ASB7: variants seen among roughly 807,000 people sequenced by gnomAD.
ASB7 encodes the protein ankyrin repeat and SOCS box containing 7, also known as ankyrin repeat and SOCS box protein 7.
Under a neutral mutation model 32.5 loss-of-function variants are expected in ASB7, and 4 were observed. That is an observed-to-expected ratio of 0.12 (90% CI 0.06 to 0.28). ASB7 has a LOEUF of 0.28. Ranked by LOEUF, ASB7 falls within the 10% of genes least tolerant of loss-of-function variation. The pLI is 1.00. For missense variants in ASB7, 181 were observed against 407.1 expected, an observed-to-expected ratio of 0.44 and a Z score of 4.78; for synonymous variants, 172 against 155.6, an observed-to-expected ratio of 1.11 and a Z score of -0.78.
At chr15:100,632,477 A>G (rs950366997) in intron 5 of ASB7, among the ~76,000 whole-genome samples, 1 of 152,218 alleles carries the variant, frequency 6.6e-6, no homozygotes, top group Non-Finnish European at 1.5e-5. Flanking sequence ...CTGGTGAACA[A>G]TATGGGCTAG....
At chr15:100,647,426 T>C (rs888984924) in intron 5 of ASB7, among the ~76,000 whole-genome samples, 2 of 152,236 alleles carry the variant, frequency 1.3e-5, no homozygotes, top group African/African-American at 4.8e-5. Flanking sequence ...ATATATTAGC[T>C]TTATTATCAT....
chr15:100,622,429 T>C (rs1318282747), intron 4 of ASB7, among the ~76,000 whole-genome samples: 1 of 152,088 alleles, frequency 6.6e-6, no homozygotes, highest in African/African-American at 2.4e-5. Flanking sequence ...AACACCAACA[T>C]CAGTTTTTCA....
Position 100,612,200 on chromosome 15 carries a change from A to G in ASB7, c.-17A>G. ...CGTAACCTAATGAATCCTTTGTAAA[A>G]AGTGGACTCAGCTAGGATGTTACAC... On this transcript the variant is annotated 5_prime_UTR_variant, in exon 4 of 6. Coordinates refer to ENST00000332783, the MANE Select transcript of ASB7 (RefSeq NM_198243.3). 9 of 1,598,570 alleles carry G rather than the reference A, an allele frequency of 5.6e-6. No homozygotes were observed. The highest frequency in any genetic ancestry group is 6.9e-6 in the Non-Finnish European group (8 of 1,166,486).
rs929764688 is a variant in ASB7, at chr15:100,614,242, C to G, written c.211+1815C>G. ...TGAGCTGAGATCATGCCACTGCACT[C>G]CTGCCTGGGCGAAATTGTGAAACTC... On this transcript the variant is annotated intron_variant, in intron 4 of 5. Transcript: ENST00000332783. Among the ~76,000 whole-genome samples the G allele has an allele frequency of 2.0e-4, 30 of 150,230 alleles. 1 individual carries two copies. Among genetic ancestry groups the G allele is most frequent in the South Asian group, 1.1e-3 (5 of 4,758 alleles).
At chr15:100,634,804 AAAAGAAAG>A (rs377136418) in intron 5 of ASB7, among the ~76,000 whole-genome samples, 3 of 152,198 alleles carry the variant, frequency 2.0e-5, no homozygotes, top group Admixed American at 6.5e-5. Flanking sequence ...ACTCCATCTC[AAAAGAAAG>A]AAAGAAAGAA....
rs61153969 is a variant in ASB7 at position 100,611,484 on chromosome 15, C to CTTTTTTTTTTTTTTTTTTTTTTTTTTTTT, written c.-51-669_-51-668insTTTTTTTTTTTTTTTTTTTTTTTTTTTTT. Among the ~76,000 whole-genome samples the CTTTTTTTTTTTTTTTTTTTTTTTTTTTTT allele has an allele frequency of 1.6e-4, 12 of 77,156 alleles. 2 individuals are homozygous for CTTTTTTTTTTTTTTTTTTTTTTTTTTTTT. Among genetic ancestry groups the CTTTTTTTTTTTTTTTTTTTTTTTTTTTTT allele is most frequent in the Admixed American group, 6.7e-4 (3 of 4,498 alleles). The allele number at this position is 77,156 out of a possible 152,430, so 50.6% of individuals were successfully genotyped here. A position where few individuals can be genotyped will look rare whatever the true frequency, so the allele number is the denominator to read the frequency against. Reference sequence around the variant, plus strand: ...GGTTAATCACCAGATTGTTTCGATTCTTTTTTTTTTTTTGAGACAGAATTT... The same window carrying CTTTTTTTTTTTTTTTTTTTTTTTTTTTTT: ...GGTTAATCACCAGATTGTTTCGATTCTTTTTTTTTTTTTTTTTTTTTTTTTTTTTTTTTTTTTTTTTTGAGACAGAATTT... On this transcript the variant is annotated intron_variant, in intron 3 of 5. Transcript: ENST00000332783.
chr15:100,643,185 G>A (rs2039973009), intron 5 of ASB7, among the ~76,000 whole-genome samples: 1 of 152,180 alleles, frequency 6.6e-6, no homozygotes, highest in South Asian at 2.1e-4. Context: ...GTGGAATGGT[G>A]GCTGTGTTGC....
intron 4 of ASB7, 126 bp downstream of exon 4, chr15:100,612,553 C>G (rs1188589458): frequency 2.6e-5 from 23 of 893,486 alleles, no homozygotes; most frequent in South Asian, 3.3e-5. Context: ...ATTCTCTCTC[C>G]TTTGTGAAGA....
At chr15:100,604,806 A>G (rs990617760) in intron 2 of ASB7, among the ~76,000 whole-genome samples, 8 of 152,174 alleles carry the variant, frequency 5.3e-5, no homozygotes, top group Non-Finnish European at 1.2e-4. Flanking sequence ...TTAAAGGCTA[A>G]TTTTTATTAT....
rs1484989425 is a variant in ASB7 at position 100,650,733 on chromosome 15, A to G, written c.*2271A>G. The G allele has an allele frequency of 6.6e-6, 1 of 152,238 alleles. No individual in the cohort carries two copies. Among genetic ancestry groups the G allele is most frequent in the Non-Finnish European group, 1.5e-5 (1 of 68,032 alleles). 9.4% of individuals were successfully genotyped at this position (152,238 alleles called of 1,614,324 possible). On this transcript the variant is annotated 3_prime_UTR_variant, in exon 6 of 6. Transcript: ENST00000332783. ...CTCTTCCTGGAATTTTGAAATTTCT[A>G]TTTAATGAAGAAGTGTATAATTCCA...
chr15:100,644,312 G>A (rs1252012348), intron 5 of ASB7, among the ~76,000 whole-genome samples: 1 of 152,144 alleles, frequency 6.6e-6, no homozygotes, highest in African/African-American at 2.4e-5. Context: ...ATTCTTTAAA[G>A]AAAGAAGATT....
At chr15:100,635,232 C>T (rs939591992) in intron 5 of ASB7, among the ~76,000 whole-genome samples, 3 of 152,160 alleles carry the variant, frequency 2.0e-5, no homozygotes, top group African/African-American at 4.8e-5. Flanking sequence ...GGCATTAAGA[C>T]AGGATTTTAC....
At chr15:100,612,574 G>A (rs1237644845) in intron 4 of ASB7, 147 bp downstream of exon 4, 2 of 786,352 alleles carry the variant, frequency 2.5e-6, no homozygotes, top group African/African-American at 1.8e-5. Flanking sequence ...TTTGCTATAA[G>A]TGTGCCTTTT....
intron 5 of ASB7, among the ~76,000 whole-genome samples, chr15:100,641,441 C>T (rs896122771): frequency 2.6e-5 from 4 of 152,198 alleles, no homozygotes; most frequent in Non-Finnish European, 4.4e-5. Context: ...AAATTTAGCT[C>T]ACTTTTCACT....
chr15:100,614,429 C>G (rs931114412), intron 4 of ASB7, among the ~76,000 whole-genome samples: 2 of 152,044 alleles, frequency 1.3e-5, no homozygotes, highest in African/African-American at 4.8e-5. Context: ...TAGCAGGAGT[C>G]TGCAAACTTG....
Position 100,629,220 on chromosome 15 carries a change from T to G in ASB7, c.212-217T>G, listed in dbSNP as rs1163218332. 6.6e-6 allele frequency among the ~76,000 whole-genome samples: 1 copy of G among 152,254 alleles called. No individual in the cohort carries two copies. The highest frequency in any genetic ancestry group is 1.5e-5 in the Non-Finnish European group (1 of 68,046). On this transcript the variant is annotated intron_variant, in intron 4 of 5. Coordinates refer to ENST00000332783, the MANE Select transcript of ASB7 (RefSeq NM_198243.3). The surrounding 1 kb of genome is among the most constrained non-coding windows in gnomAD (Gnocchi z 6.8). Reference sequence around the variant, plus strand: ...TATCTTTTTAAACACTTTGTCTTTCTCCTTTCATTAACCCAGACGTGATAA... The same window carrying G: ...TATCTTTTTAAACACTTTGTCTTTCGCCTTTCATTAACCCAGACGTGATAA...
intron 5 of ASB7, among the ~76,000 whole-genome samples, chr15:100,645,182 T>C (rs2039989258): frequency 6.6e-6 from 1 of 152,218 alleles, no homozygotes; most frequent in Non-Finnish European, 1.5e-5. Flanking sequence ...AAATGATTTC[T>C]TCCCTTTTTT....
At chr15:100,622,715 T>A (rs1030601479) in intron 4 of ASB7, among the ~76,000 whole-genome samples, 3 of 152,200 alleles carry the variant, frequency 2.0e-5, no homozygotes, top group African/African-American at 7.2e-5. Flanking sequence ...CTCTTCAGGC[T>A]GGGAAAACTG....
chr15:100,644,990 C>T (rs934825897), intron 5 of ASB7, among the ~76,000 whole-genome samples: 5 of 152,210 alleles, frequency 3.3e-5, no homozygotes, highest in African/African-American at 9.7e-5. Context: ...TCATACAGGC[C>T]TTACAGAGCA....
Sources: allele counts gnomAD v4.1 joint callset (sites outside exome capture counted in the v4.1 genomes callset), GRCh38; gene constraint gnomAD v4.1.1; non-coding constraint Gnocchi (gnomAD v3.1); transcripts MANE v1.5; gene names NCBI Gene and HGNC (gene_info 2026-07-23, HGNC 2026-07-21).